KCNIP4: variants seen among roughly 807,000 people sequenced by gnomAD.
The protein encoded by KCNIP4 is potassium voltage-gated channel interacting protein 4, also known as Kv channel-interacting protein 4.
A neutral mutation model predicts 34.0 loss-of-function variants in KCNIP4; 12 were observed. The ratio of observed to expected loss-of-function variants is 0.35; its 90% confidence interval spans 0.23 to 0.57. The LOEUF (loss-of-function observed/expected upper bound fraction) is 0.57, where lower values mean the gene tolerates loss of function less well. KCNIP4 is among the 20% of genes least tolerant of loss of function. The pLI, the probability that KCNIP4 is intolerant of heterozygous loss-of-function variation, is 0.83. For synonymous variants in KCNIP4, 124 were observed against 102.2 expected, an observed-to-expected ratio of 1.21 and a Z score of -1.29; for missense variants, 238 against 311.7, an observed-to-expected ratio of 0.76 and a Z score of 1.78.
At chr4:20,875,596 T>A (rs1723933000) in intron 2 of KCNIP4, among the ~76,000 whole-genome samples, 1 of 152,226 alleles carries the variant, frequency 6.6e-6, no homozygotes, top group African/African-American at 2.4e-5. Context: ...ATATTAAATT[T>A]ACATTTAACA....
intron 1 of KCNIP4, among the ~76,000 whole-genome samples, chr4:21,522,437 G>A (rs780505435): frequency 6.6e-6 from 1 of 151,922 alleles, no homozygotes; most frequent in Non-Finnish European, 1.5e-5. Flanking sequence ...TGCACTCATA[G>A]CTCACTGCAG....
intron 1 of KCNIP4, among the ~76,000 whole-genome samples, chr4:21,939,452 G>A (rs1332684531): frequency 2.0e-5 from 3 of 152,036 alleles, no homozygotes; most frequent in African/African-American, 7.2e-5. Context: ...TCCACAGTAG[G>A]AGAATTCCCT....
intron 1 of KCNIP4, among the ~76,000 whole-genome samples, chr4:21,233,337 A>G (rs1211335873): frequency 6.6e-6 from 1 of 152,122 alleles, no homozygotes; most frequent in African/African-American, 2.4e-5. Context: ...ACCTGAACAC[A>G]AACGATGTCT....
At chr4:21,902,521 G>A (rs562628266) in intron 1 of KCNIP4, among the ~76,000 whole-genome samples, 1 of 152,100 alleles carries the variant, frequency 6.6e-6, no homozygotes, top group Non-Finnish European at 1.5e-5. Context: ...TTCTGGGAAA[G>A]AGACATTCCA....
At chr4:21,569,911 G>T (rs962936065) in intron 1 of KCNIP4, among the ~76,000 whole-genome samples, 5 of 152,080 alleles carry the variant, frequency 3.3e-5, no homozygotes, top group Admixed American at 1.3e-4. Context: ...AGGGGGCCTG[G>T]CTGTTTTTTT....
chr4:21,001,847 C>T (rs1158053973), intron 1 of KCNIP4, among the ~76,000 whole-genome samples: 2 of 152,210 alleles, frequency 1.3e-5, no homozygotes, highest in Non-Finnish European at 2.9e-5. Context: ...GACCCTCTTT[C>T]TCCACCAAAT....
chr4:20,996,280 T>C (rs1560631667), intron 1 of KCNIP4, among the ~76,000 whole-genome samples: 1 of 152,194 alleles, frequency 6.6e-6, no homozygotes, highest in Admixed American at 6.5e-5. Flanking sequence ...GGTCTATTTT[T>C]ACACAGCAGC....
intron 1 of KCNIP4, among the ~76,000 whole-genome samples, chr4:21,017,527 C>T (rs1739654275): frequency 1.3e-5 from 2 of 152,090 alleles, no homozygotes; most frequent in Admixed American, 6.5e-5. Flanking sequence ...GATCTCATTC[C>T]TTTTTATGGC....
intron 1 of KCNIP4, among the ~76,000 whole-genome samples, chr4:21,482,371 T>C (rs939570898): frequency 6.6e-6 from 1 of 152,178 alleles, no homozygotes; most frequent in Non-Finnish European, 1.5e-5. Context: ...TAGCAGGTTA[T>C]TTTGCTCGTT....
At chr4:21,811,304 C>T (rs962527963) in intron 1 of KCNIP4, among the ~76,000 whole-genome samples, 1 of 152,168 alleles carries the variant, frequency 6.6e-6, no homozygotes, top group Admixed American at 6.5e-5. Context: ...ATTCCATGAA[C>T]TCTCTCATCC....
intron 1 of KCNIP4, among the ~76,000 whole-genome samples, chr4:21,780,455 G>A (rs1719508220): frequency 6.6e-6 from 1 of 152,126 alleles, no homozygotes; most frequent in Admixed American, 6.5e-5. Flanking sequence ...AACTGCCAAA[G>A]ACTTGTGAGC....
chr4:21,942,753 T>C (rs1190416505), intron 1 of KCNIP4, among the ~76,000 whole-genome samples: 2 of 152,186 alleles, frequency 1.3e-5, no homozygotes, highest in Non-Finnish European at 2.9e-5. Flanking sequence ...GTTTTTTGTT[T>C]TGTTTTGTTA....
intron 1 of KCNIP4, among the ~76,000 whole-genome samples, chr4:21,152,667 CA>C (rs1313849254): frequency 1.3e-5 from 2 of 151,888 alleles, no homozygotes; most frequent in Non-Finnish European, 2.9e-5. Context: ...CCCCAGGCCA[CA>C]GACTGACAGG....
chr4:21,823,704 T>C (rs762880761), intron 1 of KCNIP4, among the ~76,000 whole-genome samples: 7 of 152,134 alleles, frequency 4.6e-5, no homozygotes, highest in African/African-American at 7.2e-5. Flanking sequence ...TGAGAATGAC[T>C]ACTCACCTGA....
chr4:21,695,517 T>C (rs1234463895), intron 1 of KCNIP4, among the ~76,000 whole-genome samples: 2 of 152,010 alleles, frequency 1.3e-5, no homozygotes, highest in Non-Finnish European at 2.9e-5. Flanking sequence ...AAGCTTAAAA[T>C]ACTACTGCTA....
chr4:21,755,630 C>T lies in KCNIP4; in HGVS notation c.61+192941G>A, dbSNP rs115905361. Among the ~76,000 whole-genome samples the T allele has an allele frequency of 8.8e-3, 1,333 of 152,214 alleles. 19 individuals carry two copies. The highest frequency in any genetic ancestry group is 0.039 in the South Asian group (187 of 4,822). ...GGAAGGAGGTATAGTGGCACCCATA[C>T]ATTTATTTAGACATAACTAATGGAC... On this transcript the variant is annotated intron_variant, in intron 1 of 8. Coordinates refer to ENST00000382152, the MANE Select transcript of KCNIP4 (RefSeq NM_025221.6).
intron 1 of KCNIP4, among the ~76,000 whole-genome samples, chr4:21,705,691 G>T (rs909075596): frequency 1.3e-5 from 2 of 152,110 alleles, no homozygotes; most frequent in Admixed American, 6.6e-5. Flanking sequence ...AAGAGAAAGT[G>T]ATGATGTTTG....
chr4:21,454,139 C>G (rs1306992625), intron 1 of KCNIP4, among the ~76,000 whole-genome samples: 2 of 152,036 alleles, frequency 1.3e-5, no homozygotes, highest in Non-Finnish European at 2.9e-5. Context: ...GGTAAGGCAC[C>G]TCTATCATTA....
At position 21,275,653 on chromosome 4, in the gene KCNIP4, T is replaced by G. The variant is rs796180417; in HGVS notation, c.62-392944A>C. 4.7e-3 allele frequency among the ~76,000 whole-genome samples: 711 copies of G among 152,318 alleles called. 4 individuals carry two copies. The highest frequency in any genetic ancestry group is 0.024 in the Middle Eastern group (7 of 294). On this transcript the variant is annotated intron_variant, in intron 1 of 8. Transcript: ENST00000382152. Reference sequence around the variant, plus strand: ...TGAGCAAGGAAATCTAGCATAACAATAAATAGTAGATGGCTGGGACAAAAG... The same window carrying G: ...TGAGCAAGGAAATCTAGCATAACAAGAAATAGTAGATGGCTGGGACAAAAG...
Sources: allele counts gnomAD v4.1 joint callset (sites outside exome capture counted in the v4.1 genomes callset), GRCh38; gene constraint gnomAD v4.1.1; transcripts MANE v1.5; gene names NCBI Gene and HGNC (gene_info 2026-07-23, HGNC 2026-07-21).